TM4SF4: variants seen among roughly 807,000 people sequenced by gnomAD.
TM4SF4 encodes the protein transmembrane 4 L six family member 4, also known as transmembrane 4 L6 family member 4.
A neutral mutation model predicts 24.1 loss-of-function variants in TM4SF4; 24 were observed. The observed-to-expected ratio is 1.00, with a 90% CI of 0.72 to 1.40. TM4SF4 has a LOEUF of 1.40. Among genes scored for constraint, TM4SF4 ranks in the 40% most tolerant of loss-of-function variants. TM4SF4 has a pLI of 0.00. For missense variants in TM4SF4, 254 were observed against 254.2 expected, an observed-to-expected ratio of 1.00 and a Z score of 0.01; for synonymous variants, 113 against 97.0, an observed-to-expected ratio of 1.17 and a Z score of -0.97.
chr3:149,475,028 G>C lies in TM4SF4; in HGVS notation c.151G>C (p.Gly51Arg). ...TTCCCAAGAGATCTGGTTTTTCGGA[G>C]GAATATTAGGAAGCGGTGTCTTGGT... ...HLSQEIWFFG[G>R]ILGSGVLMIF... The change falls in exon 1 of 5, where the codon GGA becomes CGA. Residue 51 changes from glycine (G) to arginine (R), a missense_variant. Coordinates refer to ENST00000305354, the MANE Select transcript of TM4SF4 (RefSeq NM_004617.4). 1 of 1,613,058 alleles carries C rather than the reference G, an allele frequency of 6.2e-7. No homozygotes were observed. Among genetic ancestry groups the C allele is most frequent in the Non-Finnish European group, 8.5e-7 (1 of 1,179,712 alleles).
chr3:149,484,078 GC>G (rs1466395350), intron 2 of TM4SF4, among the ~76,000 whole-genome samples: 1 of 152,048 alleles, frequency 6.6e-6, no homozygotes, highest in East Asian at 1.9e-4. Context: ...ACTGTGCCGG[GC>G]CCGTTTATTT....
chr3:149,479,569 G>A (rs1405180555), intron 2 of TM4SF4, among the ~76,000 whole-genome samples: 2 of 151,944 alleles, frequency 1.3e-5, no homozygotes, highest in Admixed American at 6.6e-5. Context: ...AAAAACTGCA[G>A]ACTAATTTGG....
chr3:149,497,697 T>A (rs1008422818), intron 3 of TM4SF4, among the ~76,000 whole-genome samples: 3 of 152,088 alleles, frequency 2.0e-5, no homozygotes, highest in Admixed American at 2.0e-4. Context: ...CAGGCTGGAG[T>A]GCAATGGCAT....
At chr3:149,483,468 C>A (rs1326204074) in intron 2 of TM4SF4, among the ~76,000 whole-genome samples, 4 of 147,364 alleles carry the variant, frequency 2.7e-5, no homozygotes, top group Non-Finnish European at 4.5e-5. Context: ...TCAACTATAA[C>A]AAAAAAAAGA....
intron 3 of TM4SF4, among the ~76,000 whole-genome samples, chr3:149,498,472 C>A (rs1734354434): frequency 6.6e-6 from 1 of 151,946 alleles, no homozygotes. Flanking sequence ...AAAAAGAGAA[C>A]CCAGAGGTTT....
At chr3:149,498,994 A>G in intron 4 of TM4SF4, 83 bp downstream of exon 4, 1 of 1,435,740 alleles carries the variant, frequency 7.0e-7, no homozygotes, top group Non-Finnish European at 9.6e-7. Context: ...AGGTCAGGCC[A>G]CCAGCACTGA....
intron 2 of TM4SF4, among the ~76,000 whole-genome samples, chr3:149,486,903 G>A (rs1263674868): frequency 6.6e-6 from 1 of 152,162 alleles, no homozygotes; most frequent in Non-Finnish European, 1.5e-5. Context: ...GAACCTGCCT[G>A]TCACATGAGA....
intron 3 of TM4SF4, chr3:149,495,770 A>C: frequency 4.4e-6 from 1 of 228,800 alleles, no homozygotes; most frequent in East Asian, 1.6e-4. Flanking sequence ...TCATCGTTCT[A>C]GTAAGAAGCA....
chr3:149,492,520 G>A (rs773293178), intron 3 of TM4SF4, among the ~76,000 whole-genome samples: 22 of 152,072 alleles, frequency 1.4e-4, no homozygotes, highest in Non-Finnish European at 1.2e-4. Context: ...TTGACCCTGA[G>A]CTGCTGAAAG....
intron 2 of TM4SF4, among the ~76,000 whole-genome samples, chr3:149,478,302 T>C (rs1733971590): frequency 6.6e-6 from 1 of 152,166 alleles, no homozygotes; most frequent in Non-Finnish European, 1.5e-5. Context: ...TGTGCCACCA[T>C]GCCCAGCTAA....
At chr3:149,502,649 A>G (rs1489644382) in intron 4 of TM4SF4, 27 bp from the exon 5 acceptor site, 1 of 1,581,210 alleles carries the variant, frequency 6.3e-7, no homozygotes, top group Non-Finnish European at 8.7e-7. Flanking sequence ...ATGACATCAT[A>G]GTTAATTCAC....
chr3:149,496,682 C>T (rs1734317064), intron 3 of TM4SF4, among the ~76,000 whole-genome samples: 3 of 150,070 alleles, frequency 2.0e-5, no homozygotes, highest in Non-Finnish European at 3.0e-5. Context: ...GCAGGAGAAC[C>T]GCTTGAACCC....
chr3:149,502,614 G>A, intron 4 of TM4SF4, 62 bp from the exon 5 acceptor site: 1 of 1,302,068 alleles, frequency 7.7e-7, no homozygotes, highest in Non-Finnish European at 1.1e-6. Context: ...GGGAAGGAGG[G>A]GAAAAGCAAA....
chr3:149,476,045 CTG>C (rs979903806), intron 2 of TM4SF4, 133 bp downstream of exon 2: 2 of 726,398 alleles, frequency 2.8e-6, no homozygotes, highest in African/African-American at 1.8e-5. Context: ...AGGGATAAAA[CTG>C]TGATTTTTCC....
chr3:149,491,712 C>T (rs1200365258), intron 3 of TM4SF4, among the ~76,000 whole-genome samples: 1 of 152,116 alleles, frequency 6.6e-6, no homozygotes, highest in African/African-American at 2.4e-5. Flanking sequence ...TGGAACAGAT[C>T]CTCATAATGC....
chr3:149,486,320 A>T (rs1734114998), intron 2 of TM4SF4, among the ~76,000 whole-genome samples: 1 of 152,192 alleles, frequency 6.6e-6, no homozygotes, highest in Non-Finnish European at 1.5e-5. Flanking sequence ...CTGAGGACAC[A>T]TTCATTATGC....
chr3:149,489,984 T>TA (rs1408177358), intron 3 of TM4SF4, among the ~76,000 whole-genome samples: 1 of 152,150 alleles, frequency 6.6e-6, no homozygotes, highest in African/African-American at 2.4e-5. Context: ...TATAATGTGA[T>TA]AAAAAATTAC....
Position 149,502,810 on chromosome 3 carries a change from GA to G in TM4SF4, c.*121del, listed in dbSNP as rs1217412172. 2.0e-5 allele frequency: 15 copies of G among 742,884 alleles called. No homozygotes were observed. In the African/African-American group the frequency reaches 2.7e-4, roughly 13 times the overall value. The allele number at this position is 742,884 out of a possible 1,614,324, so 46.0% of individuals were successfully genotyped here. A position where few individuals can be genotyped will look rare whatever the true frequency, so the allele number is the denominator to read the frequency against. On this transcript the variant is annotated 3_prime_UTR_variant, in exon 5 of 5. Coordinates refer to ENST00000305354, the MANE Select transcript of TM4SF4 (RefSeq NM_004617.4). ...TCTGCTTCCTAGCTGATAAAGCTTA[GA>G]AAAGGCAGTTATTCCTTCTTTCCAA... is the stretch of plus-strand genomic sequence containing the variant.
At chr3:149,482,006 G>A (rs1260382488) in intron 2 of TM4SF4, among the ~76,000 whole-genome samples, 1 of 152,136 alleles carries the variant, frequency 6.6e-6, no homozygotes, top group Non-Finnish European at 1.5e-5. Context: ...TAATGTCATG[G>A]GAAATTATCC....
Sources: allele counts gnomAD v4.1 joint callset (sites outside exome capture counted in the v4.1 genomes callset), GRCh38; gene constraint gnomAD v4.1.1; transcripts MANE v1.5; gene names NCBI Gene and HGNC (gene_info 2026-07-23, HGNC 2026-07-21).